The following PTPRN2 variants were observed in gnomAD, a reference collection of about 807,000 sequenced individuals.
PTPRN2 encodes protein tyrosine phosphatase receptor type N2.
Under a neutral mutation model 118.8 loss-of-function variants are expected in PTPRN2, and 74 were observed. That is an observed-to-expected ratio of 0.62 (90% CI 0.52 to 0.76). The LOEUF is 0.76. PTPRN2 is among the 30% of genes least tolerant of loss of function. The probability of loss-of-function intolerance (pLI) is 0.00; values close to 1 mark genes in which losing one functional copy is unlikely to be tolerated. For synonymous variants in PTPRN2, 641 were observed against 608.0 expected, an observed-to-expected ratio of 1.05 and a Z score of -0.80; for missense variants, 1,481 against 1,394.4, an observed-to-expected ratio of 1.06 and a Z score of -0.99.
chr7:158,023,135 C>T (rs146113281), intron 11 of PTPRN2, among the ~76,000 whole-genome samples: 2 of 152,326 alleles, frequency 1.3e-5, no homozygotes, highest in East Asian at 3.9e-4. Flanking sequence ...AAACTCTCAA[C>T]AATTTAGCAC....
At chr7:157,597,604 G>T (rs142814175) in intron 16 of PTPRN2, among the ~76,000 whole-genome samples, 2 of 152,266 alleles carry the variant, frequency 1.3e-5, no homozygotes, top group African/African-American at 4.8e-5. Flanking sequence ...TAAAATGCTG[G>T]ACAGGGTTGC....
At chr7:158,238,012 C>A (rs983027833) in intron 3 of PTPRN2, among the ~76,000 whole-genome samples, 2 of 152,158 alleles carry the variant, frequency 1.3e-5, no homozygotes, top group Non-Finnish European at 2.9e-5. Context: ...CTGCTCCCGA[C>A]GTCCCTGGAG....
chr7:158,279,707 C>T (rs927272972), intron 3 of PTPRN2, among the ~76,000 whole-genome samples: 3 of 151,980 alleles, frequency 2.0e-5, no homozygotes, highest in Non-Finnish European at 4.4e-5. Flanking sequence ...CTCCCATCCG[C>T]GCTTCTCCCT....
intron 11 of PTPRN2, among the ~76,000 whole-genome samples, chr7:158,061,160 G>T (rs2062204073): frequency 6.6e-6 from 1 of 152,260 alleles, no homozygotes; most frequent in African/African-American, 2.4e-5. Flanking sequence ...CCGTCGGGCG[G>T]TGACTGATTA....
In PTPRN2 at chr7:157,594,414, C is replaced by T. The variant is rs1026009683; in HGVS notation, c.2496+824G>A. Among the ~76,000 whole-genome samples the T allele has an allele frequency of 8.7e-5, 12 of 137,518 alleles. No homozygotes were observed. In the Middle Eastern group the frequency reaches 0.012, roughly 133 times the overall value. The allele number at this position is 137,518 out of a possible 152,430, so 90.2% of individuals were successfully genotyped here. A position where few individuals can be genotyped will look rare whatever the true frequency, so the allele number is the denominator to read the frequency against. On this transcript the variant is annotated intron_variant, in intron 17 of 22. Coordinates refer to ENST00000389418, the MANE Select transcript of PTPRN2 (RefSeq NM_002847.5). ...CCGGGCTTTGGATCACCAGGAGGCCCGGGCTGTGGATCGCCAGGAGGCTGC... is the reference window on the plus strand; with the variant it reads ...CCGGGCTTTGGATCACCAGGAGGCCTGGGCTGTGGATCGCCAGGAGGCTGC...
At position 157,550,417 on chromosome 7, in the gene PTPRN2, T is replaced by C. The variant is rs62475358; in HGVS notation, c.2903-1398A>G. ...CACACGTTGGAACCAAATGTCATGTTTGCATGAAGGGAGAACAAAGCAGGT... is the reference window on the plus strand; with the variant it reads ...CACACGTTGGAACCAAATGTCATGTCTGCATGAAGGGAGAACAAAGCAGGT... On this transcript the variant is annotated intron_variant, in intron 21 of 22. Coordinates refer to ENST00000389418, the MANE Select transcript of PTPRN2 (RefSeq NM_002847.5). The surrounding 1 kb of genome is among the most constrained non-coding windows in gnomAD (Gnocchi z 5.2). Among the ~76,000 whole-genome samples the C allele has an allele frequency of 6.6e-6, 1 of 152,160 alleles. No individual in the cohort carries two copies. The highest frequency in any genetic ancestry group is 1.5e-5 in the Non-Finnish European group (1 of 68,020).
chr7:158,213,215 T>C (rs1366182406), intron 3 of PTPRN2, among the ~76,000 whole-genome samples: 1 of 137,386 alleles, frequency 7.3e-6, no homozygotes, highest in Non-Finnish European at 1.6e-5. Context: ...CTTGTGTGTG[T>C]GTGTGTGTGT....
chr7:157,988,887 C>T (rs1804026688), intron 11 of PTPRN2, among the ~76,000 whole-genome samples: 1 of 152,224 alleles, frequency 6.6e-6, no homozygotes, highest in Non-Finnish European at 1.5e-5. Flanking sequence ...GTGTCTAAAG[C>T]CAGGAATGGG....
At chr7:158,394,772 G>A (rs577781262) in intron 2 of PTPRN2, among the ~76,000 whole-genome samples, 2 of 152,344 alleles carry the variant, frequency 1.3e-5, no homozygotes, top group Admixed American at 6.5e-5. Context: ...GAGGGTGTGC[G>A]GCAGGGGCTG....
In PTPRN2 at chr7:157,627,181, C is replaced by T. The variant is rs1803637993; in HGVS notation, c.2197-5672G>A. On this transcript the variant is annotated intron_variant, in intron 14 of 22. Coordinates refer to ENST00000389418, the MANE Select transcript of PTPRN2 (RefSeq NM_002847.5). This position sits in a 1 kb window ranked among gnomAD's most constrained non-coding sequence, Gnocchi z 4.2. ...GCACCAGTGTGCACCGCACCTGCAGCTGGGTCTCCTCCGGGGCGTGAGCTC... is the reference window on the plus strand; with the variant it reads ...GCACCAGTGTGCACCGCACCTGCAGTTGGGTCTCCTCCGGGGCGTGAGCTC... Among the ~76,000 whole-genome samples, 1 of 151,766 alleles carries T rather than the reference C, an allele frequency of 6.6e-6. No homozygotes were observed. The highest frequency in any genetic ancestry group is 2.4e-5 in the African/African-American group (1 of 41,076).
At chr7:157,949,569 C>T (rs1469792388) in intron 11 of PTPRN2, among the ~76,000 whole-genome samples, 1 of 152,232 alleles carries the variant, frequency 6.6e-6, no homozygotes, top group Non-Finnish European at 1.5e-5. Context: ...GCGGCTGAGT[C>T]AATGCCATGC....
chr7:157,838,831 C>T (rs1808163475), intron 12 of PTPRN2, among the ~76,000 whole-genome samples: 1 of 3,640 alleles, frequency 2.7e-4, no homozygotes, highest in Non-Finnish European at 4.9e-4. Flanking sequence ...TCCTCTCCGC[C>T]GTGGCTACTC....
At chr7:158,259,045 C>T (rs150516267) in intron 3 of PTPRN2, among the ~76,000 whole-genome samples, 75 of 152,252 alleles carry the variant, frequency 4.9e-4, no homozygotes, top group Non-Finnish European at 8.2e-4. Context: ...GCACCAGCAA[C>T]GCCTGTGAAA....
rs1235307539 is a variant in PTPRN2, at chr7:157,948,153, T to C, written c.1724-49416A>G. On this transcript the variant is annotated intron_variant, in intron 11 of 22. Transcript: ENST00000389418. ...AAGAACTTCAGTAAAATTAACTACA[T>C]AGGTAAATATAAAACCCAGTATTGT... Among the ~76,000 whole-genome samples, 3 of 152,212 alleles carry C rather than the reference T, an allele frequency of 2.0e-5. No individual in the cohort carries two copies. In the East Asian group the frequency reaches 5.8e-4, roughly 29 times the overall value.
At position 158,336,437 on chromosome 7, in the gene PTPRN2, C is replaced by T. The variant is rs1317200996; in HGVS notation, c.164-19505G>A. ...TAATTGGTGACACCTGCAGACGTCA[C>T]TCACACCCACACATGTCACTCACAC... On this transcript the variant is annotated intron_variant, in intron 2 of 22. Coordinates refer to ENST00000389418, the MANE Select transcript of PTPRN2 (RefSeq NM_002847.5). Among the ~76,000 whole-genome samples the T allele has an allele frequency of 2.1e-3, 222 of 103,482 alleles. 2 individuals are homozygous for T. The highest frequency in any genetic ancestry group is 6.0e-3 in the African/African-American group (180 of 30,024). The allele number at this position is 103,482 out of a possible 152,430, so 67.9% of individuals were successfully genotyped here. A position where few individuals can be genotyped will look rare whatever the true frequency, so the allele number is the denominator to read the frequency against.
chr7:157,695,654 C>T (rs1628432), intron 12 of PTPRN2, among the ~76,000 whole-genome samples: 10,169 of 152,276 alleles, frequency 0.067, 493 homozygotes, highest in East Asian at 0.25. Context: ...AACAAAGACA[C>T]TTCCACAGAC....
chr7:158,386,789 C>G (rs1001919885), intron 2 of PTPRN2, among the ~76,000 whole-genome samples: 17 of 152,352 alleles, frequency 1.1e-4, no homozygotes, highest in Admixed American at 5.9e-4. Context: ...CGACTCCCAG[C>G]TCTTGCTGTG....
intron 12 of PTPRN2, among the ~76,000 whole-genome samples, chr7:157,776,816 C>T: frequency 1.1e-5 from 1 of 93,626 alleles, no homozygotes; most frequent in Non-Finnish European, 2.2e-5. Context: ...CCTCCACTTC[C>T]TCCTCCCTCT....
At chr7:157,647,077 T>C (rs1805154284) in intron 14 of PTPRN2, among the ~76,000 whole-genome samples, 1 of 145,688 alleles carries the variant, frequency 6.9e-6, no homozygotes, top group African/African-American at 2.6e-5. Context: ...GTCGGACCCA[T>C]TCACTGTGCA....
Sources: gnomAD v4.1 joint callset for allele counts (sites outside exome capture counted in the v4.1 genomes callset) on GRCh38, gnomAD v4.1.1 for gene constraint, Gnocchi (gnomAD v3.1) non-coding constraint, MANE v1.5 for transcripts, NCBI Gene and HGNC (gene_info 2026-07-23, HGNC 2026-07-21) for gene names.